Variants in LRP6 observed in about 807,000 individuals in gnomAD.
LRP6 encodes the protein LDL receptor related protein 6, also known as low-density lipoprotein receptor-related protein 6.
In LRP6, 43 loss-of-function variants were observed where a neutral mutation model predicts 184.1. The observed-to-expected ratio is 0.23, with a 90% confidence interval of 0.18 to 0.30. The LOEUF is 0.30. LRP6 is among the 10% of genes least tolerant of loss of function. The probability of loss-of-function intolerance (pLI) is 1.00; values close to 1 mark genes in which losing one functional copy is unlikely to be tolerated. For synonymous variants in LRP6, 719 were observed against 684.9 expected, an observed-to-expected ratio of 1.05 and a Z score of -0.78; for missense variants, 1,571 against 2,005.3, an observed-to-expected ratio of 0.78 and a Z score of 4.14.
intron 1 of LRP6, among the ~76,000 whole-genome samples, chr12:12,257,148 G>A (rs1344056428): frequency 1.3e-5 from 2 of 152,188 alleles, no homozygotes; most frequent in Non-Finnish European, 2.9e-5. Flanking sequence ...GGGAGCAGGG[G>A]ATGATAAGCG....
intron 12 of LRP6, among the ~76,000 whole-genome samples, chr12:12,156,624 A>T (rs1862586743): frequency 6.6e-6 from 1 of 152,194 alleles, no homozygotes; most frequent in Non-Finnish European, 1.5e-5. Context: ...GCATTTCACC[A>T]TTACTTCCCT....
chr12:12,192,395 A>C (rs1046524887), intron 3 of LRP6, among the ~76,000 whole-genome samples: 6 of 151,888 alleles, frequency 4.0e-5, no homozygotes, highest in Admixed American at 1.3e-4. Flanking sequence ...AAAAAAAAAA[A>C]ACACTAAAAT....
At chr12:12,198,655 T>A (rs771601579) in intron 3 of LRP6, among the ~76,000 whole-genome samples, 4 of 149,144 alleles carry the variant, frequency 2.7e-5, no homozygotes, top group Non-Finnish European at 5.9e-5. Context: ...TGCCTCAGCC[T>A]CCCGAGTAGT....
At chr12:12,205,320 T>TCAAA (rs1202138021) in intron 2 of LRP6, among the ~76,000 whole-genome samples, 394 of 37,450 alleles carry the variant, frequency 0.011, 21 homozygotes, top group Middle Eastern at 0.048. Flanking sequence ...AGACTCTGTC[T>TCAAA]CAAACAAACA....
chr12:12,226,676 G>C (rs938618976), intron 2 of LRP6: 2 of 152,196 alleles, frequency 1.3e-5, no homozygotes, highest in Non-Finnish European at 2.9e-5. Context: ...TAAGAACTGC[G>C]TTCAGTTCAG....
chr12:12,207,000 A>G (rs1041824760), intron 2 of LRP6, among the ~76,000 whole-genome samples: 2 of 152,154 alleles, frequency 1.3e-5, no homozygotes, highest in Non-Finnish European at 2.9e-5. Flanking sequence ...CAACAAAATG[A>G]GAAGCATTTA....
At chr12:12,124,415 T>C (rs1949644939) in intron 22 of LRP6, 150 bp downstream of exon 22, 6 of 650,422 alleles carry the variant, frequency 9.2e-6, no homozygotes, top group Admixed American at 2.7e-5. Context: ...AGGAAAGGAT[T>C]TGTGGTAGAG....
rs1378993593 is a variant in LRP6 at position 12,116,530 on chromosome 12, T to A, written c.*4596A>T. 6.6e-6 allele frequency: 1 copy of A among 152,220 alleles called. No individual in the cohort carries two copies. The highest frequency in any genetic ancestry group is 1.5e-5 in the Non-Finnish European group (1 of 68,036). The allele number at this position is 152,220 out of a possible 1,614,324, so 9.4% of individuals were successfully genotyped here. ...GATATATAGAATATGTATCTATATA[T>A]AAATATATCTCTATCGCCCATCCTG... On this transcript the variant is annotated 3_prime_UTR_variant, in exon 23 of 23. Coordinates refer to ENST00000261349, the MANE Select transcript of LRP6 (RefSeq NM_002336.3).
chr12:12,126,980 G>C (rs897339712), intron 19 of LRP6, 59 bp from the exon 20 acceptor site: 1 of 1,349,730 alleles, frequency 7.4e-7, no homozygotes, highest in African/African-American at 1.4e-5. Flanking sequence ...ATTCAAAATA[G>C]TAATCAAAAG....
intron 7 of LRP6, among the ~76,000 whole-genome samples, chr12:12,169,234 G>GATAATAATAATA (rs544964479): frequency 0.022 from 3,343 of 148,716 alleles, 57 homozygotes; most frequent in Middle Eastern, 0.039. Flanking sequence ...GCCTCAAAAT[G>GATAATAATAATA]ATAATAATAA....
At chr12:12,129,710 G>T (rs577369057) in intron 19 of LRP6, among the ~76,000 whole-genome samples, 1 of 151,874 alleles carries the variant, frequency 6.6e-6, no homozygotes, top group Non-Finnish European at 1.5e-5. Context: ...CCGCCACCAC[G>T]CCCAGCTAAT....
intron 1 of LRP6, among the ~76,000 whole-genome samples, chr12:12,259,827 T>C (rs1865568407): frequency 6.6e-6 from 1 of 152,208 alleles, no homozygotes; most frequent in South Asian, 2.1e-4. Context: ...GCTTACTTTA[T>C]AGAAGATAAA....
At chr12:12,128,506 C>T (rs763673740) in intron 19 of LRP6, among the ~76,000 whole-genome samples, 18 of 152,312 alleles carry the variant, frequency 1.2e-4, no homozygotes, top group Non-Finnish European at 2.5e-4. Flanking sequence ...TAATCAACTT[C>T]CTGAAGAGCT....
At chr12:12,189,072 T>A (rs1478629889) in intron 3 of LRP6, among the ~76,000 whole-genome samples, 4 of 152,206 alleles carry the variant, frequency 2.6e-5, no homozygotes. Flanking sequence ...AAGTTGAAAT[T>A]CACTCTACTG....
At chr12:12,128,523 G>A (rs1370880610) in intron 19 of LRP6, among the ~76,000 whole-genome samples, 2 of 151,990 alleles carry the variant, frequency 1.3e-5, no homozygotes, top group East Asian at 3.9e-4. Context: ...AGCTTCAGTG[G>A]GATATTCCAT....
chr12:12,215,486 C>G lies in LRP6; in HGVS notation c.450-12086G>C, dbSNP rs774158134. Among the ~76,000 whole-genome samples the G allele has an allele frequency of 2.0e-5, 3 of 151,746 alleles. No homozygotes were observed. In the East Asian group the frequency reaches 6.0e-4, roughly 30 times the overall value. ...TGTTGCCCAAACTGGAGTGCAATAG[C>G]GCGATCTCGGCTCACTGCAACCTCT... On this transcript the variant is annotated intron_variant, in intron 2 of 22. Coordinates refer to ENST00000261349, the MANE Select transcript of LRP6 (RefSeq NM_002336.3).
chr12:12,195,449 G>C (rs1030787830), intron 3 of LRP6, among the ~76,000 whole-genome samples: 1 of 152,086 alleles, frequency 6.6e-6, no homozygotes. Flanking sequence ...TGGATGATTT[G>C]TGATGTTGAG....
At chr12:12,258,626 T>C (rs1458681110) in intron 1 of LRP6, among the ~76,000 whole-genome samples, 2 of 152,250 alleles carry the variant, frequency 1.3e-5, no homozygotes, top group Non-Finnish European at 2.9e-5. Context: ...ATCAAAGAGC[T>C]ATTTCTGCAT....
At position 12,131,890 on chromosome 12, in the gene LRP6, T is replaced by C. The variant is rs746372871; in HGVS notation, c.3901A>G (p.Ile1301Val). The change falls in exon 18 of 23, where the codon ATT becomes GTT. Residue 1301 changes from isoleucine (I) to valine (V), a missense_variant. This residue lies in a region of LRP6 where 763 missense variants were observed against 859.5 expected (regional missense o/e 0.89). Coordinates refer to ENST00000261349, the MANE Select transcript of LRP6 (RefSeq NM_002336.3). The stretch of plus-strand genomic sequence containing the variant: ...CCATTGCATCGGAGGGCACCATCAA[T>C]ACACTGCCCACTGGCACACTGGAAC... ...SQFQCASGQC[I>V]DGALRCNGDA... 2 of 1,614,220 alleles carry C rather than the reference T, an allele frequency of 1.2e-6. No homozygotes were observed. The highest frequency in any genetic ancestry group is 1.7e-6 in the Non-Finnish European group (2 of 1,180,034).
Sources: gnomAD v4.1 joint callset for allele counts (sites outside exome capture counted in the v4.1 genomes callset) on GRCh38, gnomAD v4.1.1 for gene constraint, gnomAD v4.1.1 regional missense constraint, MANE v1.5 for transcripts, NCBI Gene and HGNC (gene_info 2026-07-23, HGNC 2026-07-21) for gene names.